The following SPAG1 variants were observed in gnomAD, a reference collection of about 807,000 sequenced individuals.
SPAG1 encodes the protein sperm associated antigen 1, also known as sperm-associated antigen 1.
In SPAG1, 69 loss-of-function variants were observed where a neutral mutation model predicts 100.5. The ratio of observed to expected loss-of-function variants is 0.69; its 90% confidence interval spans 0.57 to 0.84. SPAG1 has a LOEUF of 0.84. SPAG1 is among the 40% of genes least tolerant of loss of function. The pLI is 0.00. For missense variants in SPAG1, 955 were observed against 1,133.1 expected, an observed-to-expected ratio of 0.84 and a Z score of 2.26; for synonymous variants, 336 against 411.6, an observed-to-expected ratio of 0.82 and a Z score of 2.22.
At chr8:100,214,922 G>A (rs1817896547) in intron 12 of SPAG1, among the ~76,000 whole-genome samples, 1 of 148,010 alleles carries the variant, frequency 6.8e-6, no homozygotes, top group African/African-American at 2.5e-5. Flanking sequence ...AGATGTTGCA[G>A]TGAGCAGAGA....
intron 14 of SPAG1, among the ~76,000 whole-genome samples, chr8:100,229,752 T>C (rs1291139635): frequency 1.3e-5 from 2 of 152,222 alleles, no homozygotes; most frequent in African/African-American, 2.4e-5. Context: ...ATTCTGGTAA[T>C]GAGCAGTTCA....
intron 4 of SPAG1, among the ~76,000 whole-genome samples, chr8:100,178,459 C>G (rs1816227261): frequency 6.6e-6 from 1 of 151,448 alleles, no homozygotes; most frequent in Admixed American, 6.6e-5. Flanking sequence ...TCACATAGAC[C>G]TCTCCTTTTT....
intron 3 of SPAG1, among the ~76,000 whole-genome samples, chr8:100,172,067 G>C (rs1306710727): frequency 6.6e-6 from 1 of 151,656 alleles, no homozygotes; most frequent in East Asian, 1.9e-4. Context: ...GCTAATTTTT[G>C]CATTTTTTCT....
At chr8:100,197,349 C>A (rs56060035) in intron 10 of SPAG1, among the ~76,000 whole-genome samples, 26,230 of 151,980 alleles carry the variant, frequency 0.17, 2,505 homozygotes, top group South Asian at 0.23. Flanking sequence ...TCAGAAAAGT[C>A]AATTGAGATG....
chr8:100,222,784 T>C (rs2132396905), intron 13 of SPAG1, among the ~76,000 whole-genome samples: 1 of 152,384 alleles, frequency 6.6e-6, no homozygotes, highest in African/African-American at 2.4e-5. Flanking sequence ...GTAGAATTCA[T>C]GTACATAAAA....
At chr8:100,216,207 T>G (rs908133748) in intron 12 of SPAG1, among the ~76,000 whole-genome samples, 2 of 152,194 alleles carry the variant, frequency 1.3e-5, no homozygotes, top group African/African-American at 4.8e-5. Flanking sequence ...GTGAATTTGT[T>G]GGATACCAAG....
Position 100,165,794 on chromosome 8 carries a change from CTTAT to C in SPAG1, c.141-13_141-10del, listed in dbSNP as rs1278271819. On this transcript the variant is annotated splice_polypyrimidine_tract_variant and intron_variant, in intron 2 of 18. Transcript: ENST00000388798. The stretch of plus-strand genomic sequence containing the variant: ...CCTAAATAAGGTGCTAACTCTAAAA[CTTAT>C]TTATTTCTTTTTAAGATCTGGTGAG... The C allele has an allele frequency of 1.9e-6, 3 of 1,600,940 alleles. No homozygotes were observed. The highest frequency in any genetic ancestry group is 2.2e-5 in the South Asian group (2 of 89,058).
At chr8:100,232,374 T>C (rs961331431) in intron 15 of SPAG1, among the ~76,000 whole-genome samples, 23 of 152,098 alleles carry the variant, frequency 1.5e-4, no homozygotes, top group Admixed American at 5.9e-4. Flanking sequence ...CTACGTACTC[T>C]AGAGGCCATT....
At chr8:100,169,716 T>A (rs1476209751) in intron 3 of SPAG1, among the ~76,000 whole-genome samples, 1 of 152,160 alleles carries the variant, frequency 6.6e-6, no homozygotes, top group Non-Finnish European at 1.5e-5. Context: ...CCAGTCTGGA[T>A]GACAGAGCAA....
At chr8:100,214,009 G>A (rs1372866762) in intron 12 of SPAG1, 91 bp downstream of exon 12, 2 of 676,694 alleles carry the variant, frequency 3.0e-6, no homozygotes, top group African/African-American at 3.6e-5. Context: ...TCTGCCTAAG[G>A]ATCTAATTTC....
chr8:100,180,156 C>T (rs568447463), intron 4 of SPAG1, among the ~76,000 whole-genome samples: 2 of 152,166 alleles, frequency 1.3e-5, no homozygotes, highest in South Asian at 2.1e-4. Flanking sequence ...AGCGAGACCC[C>T]ATCTCTACAA....
chr8:100,200,718 T>G (rs1007035425), intron 10 of SPAG1, among the ~76,000 whole-genome samples: 18 of 152,352 alleles, frequency 1.2e-4, no homozygotes, highest in Admixed American at 3.9e-4. Flanking sequence ...CATTTTTTCA[T>G]ATGTCTGTTG....
At position 100,240,675 on chromosome 8, in the gene SPAG1, TCTC is replaced by T; in HGVS notation, c.2557_2559del (p.Leu853del). ...ACAAACTTGAAGGGGATACATTCCT[TCTC>T]CTCATTCAGTCTCTGAAAAATAATC... is the stretch of plus-strand genomic sequence containing the variant. On this transcript the variant is annotated inframe_deletion, in exon 18 of 19. Transcript: ENST00000388798. 3.1e-6 allele frequency: 5 copies of T among 1,614,112 alleles called. No individual in the cohort carries two copies. Among genetic ancestry groups the T allele is most frequent in the South Asian group, 1.1e-5 (1 of 91,068 alleles).
At chr8:100,174,391 TGAG>T (rs1816014392) in intron 3 of SPAG1, among the ~76,000 whole-genome samples, 1 of 152,070 alleles carries the variant, frequency 6.6e-6, no homozygotes, top group African/African-American at 2.4e-5. Context: ...TTAAATAGGT[TGAG>T]GAGGAGGAGG....
intron 9 of SPAG1, among the ~76,000 whole-genome samples, chr8:100,192,809 C>T (rs1451645635): frequency 6.6e-6 from 1 of 152,152 alleles, no homozygotes; most frequent in Non-Finnish European, 1.5e-5. Context: ...ACTGCAGCCT[C>T]CACCTCCTAG....
At chr8:100,206,083 C>T (rs77459882) in intron 10 of SPAG1, among the ~76,000 whole-genome samples, 5,917 of 144,936 alleles carry the variant, frequency 0.041, 361 homozygotes, top group African/African-American at 0.12. Flanking sequence ...TGAGTCCCAT[C>T]ACATTCCCAT....
intron 8 of SPAG1, among the ~76,000 whole-genome samples, chr8:100,189,292 G>A (rs1460958937): frequency 4.0e-5 from 6 of 151,766 alleles, no homozygotes; most frequent in African/African-American, 1.2e-4. Flanking sequence ...CCTGGCCAAT[G>A]TGGCGAAACT....
intron 10 of SPAG1, among the ~76,000 whole-genome samples, chr8:100,202,167 C>G (rs975024607): frequency 6.6e-6 from 1 of 152,128 alleles, no homozygotes; most frequent in African/African-American, 2.4e-5. Flanking sequence ...GATAAACCCT[C>G]ACACATTTGG....
At chr8:100,238,901 G>A (rs1336897081) in intron 16 of SPAG1, among the ~76,000 whole-genome samples, 1 of 152,224 alleles carries the variant, frequency 6.6e-6, no homozygotes, top group African/African-American at 2.4e-5. Context: ...GCTAGTAGGT[G>A]CTAATACAAG....
Sources: gnomAD v4.1 joint callset for allele counts (sites outside exome capture counted in the v4.1 genomes callset) on GRCh38, gnomAD v4.1.1 for gene constraint, MANE v1.5 for transcripts, NCBI Gene and HGNC (gene_info 2026-07-23, HGNC 2026-07-21) for gene names.